SGCZ: variants seen among roughly 807,000 people sequenced by gnomAD.
SGCZ encodes zeta-sarcoglycan.
Under a neutral mutation model 41.3 loss-of-function variants are expected in SGCZ, and 40 were observed. The observed-to-expected ratio is 0.97, with a 90% CI of 0.75 to 1.26. The LOEUF (loss-of-function observed/expected upper bound fraction) is 1.26. Among genes scored for constraint, SGCZ ranks in the 50% most tolerant of loss-of-function variants. The pLI is 0.00. For missense variants in SGCZ, 552 were observed against 369.8 expected (o/e 1.49, Z -4.04); for synonymous variants, 206 against 137.5 (o/e 1.50, Z -3.49).
chr8:14,503,407 C>G (rs1263080275), intron 2 of SGCZ, among the ~76,000 whole-genome samples: 1 of 152,092 alleles, frequency 6.6e-6, no homozygotes, highest in Non-Finnish European at 1.5e-5. Flanking sequence ...AACAAACCTG[C>G]ACATTCTGCA....
chr8:14,432,618 A>T (rs1328130384), intron 2 of SGCZ, among the ~76,000 whole-genome samples: 1 of 152,162 alleles, frequency 6.6e-6, no homozygotes, highest in Non-Finnish European at 1.5e-5. Flanking sequence ...ACAAATCCCT[A>T]CTAAAGAACT....
intron 1 of SGCZ, among the ~76,000 whole-genome samples, chr8:14,713,228 C>T (rs1479388563): frequency 6.6e-6 from 1 of 152,160 alleles, no homozygotes; most frequent in Admixed American, 6.5e-5. Flanking sequence ...AAATTAAATG[C>T]ATGTCCAAGC....
chr8:14,557,480 T>C (rs1804069329), intron 1 of SGCZ, among the ~76,000 whole-genome samples: 1 of 152,108 alleles, frequency 6.6e-6, no homozygotes, highest in East Asian at 1.9e-4. Flanking sequence ...TTTGGGCTCT[T>C]AGTCATGAAA....
chr8:15,230,599 T>C (rs1011915650), intron 1 of SGCZ, among the ~76,000 whole-genome samples: 1 of 152,160 alleles, frequency 6.6e-6, no homozygotes. Context: ...TTGAAGAAGA[T>C]ACAAAAACGT....
At chr8:14,248,391 G>C (rs1303874998) in intron 3 of SGCZ, among the ~76,000 whole-genome samples, 1 of 152,132 alleles carries the variant, frequency 6.6e-6, no homozygotes, top group Non-Finnish European at 1.5e-5. Flanking sequence ...CGTGTGTAGA[G>C]AGTATCCCAG....
chr8:14,371,773 C>G (rs1803916608), intron 2 of SGCZ, among the ~76,000 whole-genome samples: 2 of 152,004 alleles, frequency 1.3e-5, no homozygotes, highest in South Asian at 4.1e-4. Context: ...TTTAGGGTGA[C>G]AAATAAAAAT....
intron 1 of SGCZ, among the ~76,000 whole-genome samples, chr8:15,157,482 GAAC>G (rs1344920492): frequency 2.0e-5 from 3 of 149,552 alleles, no homozygotes; most frequent in East Asian, 2.0e-4. Context: ...AAAATAAAAA[GAAC>G]AACAACAATG....
intron 1 of SGCZ, among the ~76,000 whole-genome samples, chr8:14,672,538 C>T (rs1808137729): frequency 6.6e-6 from 1 of 152,070 alleles, no homozygotes. Flanking sequence ...ATGGTTCTTG[C>T]TCTTAAATCA....
At chr8:14,766,477 G>C (rs554309800) in intron 1 of SGCZ, among the ~76,000 whole-genome samples, 1 of 151,898 alleles carries the variant, frequency 6.6e-6, no homozygotes, top group Non-Finnish European at 1.5e-5. Flanking sequence ...CAAAATTGCT[G>C]ACTTACACAA....
intron 1 of SGCZ, among the ~76,000 whole-genome samples, chr8:14,910,452 A>G (rs1358100429): frequency 6.6e-6 from 1 of 151,958 alleles, no homozygotes; most frequent in Non-Finnish European, 1.5e-5. Flanking sequence ...TACTAAATTT[A>G]TTAAATCTTA....
intron 2 of SGCZ, among the ~76,000 whole-genome samples, chr8:14,364,752 T>C (rs188684729): frequency 6.6e-6 from 1 of 152,280 alleles, no homozygotes; most frequent in African/African-American, 2.4e-5. Context: ...TATATTTTAG[T>C]TTATTATCAT....
At chr8:14,818,783 A>T (rs545423417) in intron 1 of SGCZ, among the ~76,000 whole-genome samples, 2 of 152,208 alleles carry the variant, frequency 1.3e-5, no homozygotes, top group East Asian at 3.9e-4. Flanking sequence ...AGGAAATAAA[A>T]AATACAACTG....
intron 1 of SGCZ, among the ~76,000 whole-genome samples, chr8:14,856,842 A>C (rs1803559488): frequency 6.6e-6 from 1 of 152,058 alleles, no homozygotes; most frequent in Non-Finnish European, 1.5e-5. Flanking sequence ...AGCAAACCAT[A>C]CCTCACTATT....
intron 1 of SGCZ, among the ~76,000 whole-genome samples, chr8:14,656,634 C>T (rs1328325179): frequency 1.3e-5 from 2 of 149,836 alleles, no homozygotes; most frequent in Non-Finnish European, 3.0e-5. Flanking sequence ...CTCTCCTCCC[C>T]TCTCCTTTCC....
intron 1 of SGCZ, among the ~76,000 whole-genome samples, chr8:14,915,437 G>C (rs1406049285): frequency 6.6e-6 from 1 of 152,114 alleles, no homozygotes; most frequent in Admixed American, 6.6e-5. Flanking sequence ...TGAGCAGCTT[G>C]TAAAATCAAG....
At position 14,695,237 on chromosome 8, in the gene SGCZ, A is replaced by G. The variant is rs1585188729; in HGVS notation, c.40-140311T>C. ...TAATGATGTATTGCCATCACAACTTATGTATAATTCTCTTATGAAAAGCTC... is the reference window on the plus strand; with the variant it reads ...TAATGATGTATTGCCATCACAACTTGTGTATAATTCTCTTATGAAAAGCTC... On this transcript the variant is annotated intron_variant, in intron 1 of 7. Transcript: ENST00000382080. Among the ~76,000 whole-genome samples the G allele has an allele frequency of 2.0e-5, 3 of 152,218 alleles. No homozygotes were observed. The South Asian group carries it at 6.2e-4, about 31-fold the overall frequency.
intron 5 of SGCZ, among the ~76,000 whole-genome samples, chr8:14,133,957 G>GTC (rs1456884709): frequency 1.3e-5 from 2 of 152,054 alleles, no homozygotes; most frequent in African/African-American, 4.8e-5. Flanking sequence ...TCCTCAGGCT[G>GTC]TGTGTATTGC....
chr8:15,007,380 TA>T (rs938179648), intron 1 of SGCZ, among the ~76,000 whole-genome samples: 42 of 152,226 alleles, frequency 2.8e-4, no homozygotes, highest in Non-Finnish European at 3.7e-4. Flanking sequence ...TGCAATTTGT[TA>T]AAAACTCTTG....
At chr8:14,796,435 C>A (rs1412811599) in intron 1 of SGCZ, among the ~76,000 whole-genome samples, 1 of 149,432 alleles carries the variant, frequency 6.7e-6, no homozygotes, top group South Asian at 2.1e-4. Context: ...TGTTTTTTTT[C>A]TAATATTATA....
Sources: allele counts gnomAD v4.1 joint callset (sites outside exome capture counted in the v4.1 genomes callset), GRCh38; gene constraint gnomAD v4.1.1; transcripts MANE v1.5; gene names NCBI Gene and HGNC (gene_info 2026-07-23, HGNC 2026-07-21).